DGCR2: variants seen among roughly 807,000 people sequenced by gnomAD.
The protein encoded by DGCR2 is DiGeorge syndrome critical region gene 2, also known as integral membrane protein DGCR2/IDD.
Under a neutral mutation model 51.6 loss-of-function variants are expected in DGCR2, and 24 were observed. That is an observed-to-expected ratio of 0.47 (90% confidence interval 0.34 to 0.65). DGCR2 has a LOEUF of 0.65. Ranked by LOEUF, DGCR2 falls within the 30% of genes least tolerant of loss-of-function variation. The pLI is 0.01. For missense variants in DGCR2, 765 were observed against 772.1 expected (o/e 0.99, Z 0.11); for synonymous variants, 340 against 315.4 (o/e 1.08, Z -0.82).
chr22:19,048,537 A>G lies in DGCR2; in HGVS notation c.909T>C (p.Pro303=), dbSNP rs1202154468. 6.2e-7 allele frequency: 1 copy of G among 1,614,040 alleles called. No individual in the cohort carries two copies. The highest frequency in any genetic ancestry group is 1.7e-5 in the Admixed American group (1 of 60,022). Residue 303 remains proline, a synonymous_variant, in exon 7 of 10, where the codon CCT becomes CCC. Coordinates refer to ENST00000263196, the MANE Select transcript of DGCR2 (RefSeq NM_005137.3). ...CACAGAGAGCAGCCACACACATCTC[A>G]GGCTCCCCTCCATGGCAGGTGCAGC... ...CLSCTCHGGE[P]EMCVAALCER...
Position 19,064,988 on chromosome 22 carries a change from C to T in DGCR2, c.408G>A (p.Glu136=), listed in dbSNP as rs1419597053. The T allele has an allele frequency of 2.5e-6, 4 of 1,613,920 alleles. No individual in the cohort carries two copies. The highest frequency in any genetic ancestry group is 1.3e-5 in the African/African-American group (1 of 74,952). ...AGGTCTGCGCGGCATCCCAGTAGTT[C>T]TCCCCGCTCAGGTAGACCCGGTAGC... The part of the protein sequence containing the change: ...ASCYRVYLSG[E]NYWDAAQTCQ... The change falls in exon 4 of 10, where the codon GAG becomes GAA. Residue 136 remains glutamate (E), a synonymous_variant. Transcript: ENST00000263196.
chr22:19,063,034 GGCTGCACT>G (rs1281362345), intron 5 of DGCR2, among the ~76,000 whole-genome samples, 160 bp downstream of exon 5: 11 of 152,310 alleles, frequency 7.2e-5, no homozygotes, highest in Non-Finnish European at 1.3e-4. Context: ...CTGATCTGCA[GGCTGCACT>G]GGCCCCATGA....
At chr22:19,062,767 A>ATG (rs1316108034) in intron 5 of DGCR2, among the ~76,000 whole-genome samples, 4 of 125,194 alleles carry the variant, frequency 3.2e-5, no homozygotes, top group Admixed American at 8.2e-5. Flanking sequence ...GCACACACAC[A>ATG]CATGCATGCT....
chr22:19,096,574 T>A (rs2083142240), intron 1 of DGCR2, among the ~76,000 whole-genome samples: 1 of 151,794 alleles, frequency 6.6e-6, no homozygotes, highest in Non-Finnish European at 1.5e-5. Flanking sequence ...CCCACACATG[T>A]AACTACTGTG....
chr22:19,069,444 A>G (rs981761484), intron 2 of DGCR2, among the ~76,000 whole-genome samples: 7 of 152,220 alleles, frequency 4.6e-5, no homozygotes, highest in African/African-American at 1.7e-4. Context: ...AAAATACAAA[A>G]GTTTGAAAAG....
intron 2 of DGCR2, among the ~76,000 whole-genome samples, chr22:19,072,251 G>C (rs1353315683): frequency 2.6e-5 from 4 of 152,150 alleles, no homozygotes; most frequent in Non-Finnish European, 5.9e-5. Context: ...CAGAACCCCA[G>C]GCTCCAGGCA....
chr22:19,108,088 CAGG>C (rs2083277000), intron 1 of DGCR2, among the ~76,000 whole-genome samples: 2 of 152,128 alleles, frequency 1.3e-5, no homozygotes, highest in South Asian at 2.1e-4. Context: ...GTGAGAAGAG[CAGG>C]AGGAGAACCA....
intron 4 of DGCR2, 76 bp downstream of exon 4, chr22:19,064,772 G>T: frequency 7.2e-7 from 1 of 1,396,498 alleles, no homozygotes; most frequent in South Asian, 1.2e-5. Context: ...GGAGTTTACT[G>T]AGTGGTCAGA....
At position 19,105,573 on chromosome 22, in the gene DGCR2, C is replaced by G. The variant is rs547396751; in HGVS notation, c.80-16083G>C. On this transcript the variant is annotated intron_variant, in intron 1 of 9. Transcript: ENST00000263196. ...GCCCAGTGGGGAAGGGAGCGATGCA[C>G]GCTCTGGAAGGCACACTGTACTCCG... Among the ~76,000 whole-genome samples the G allele has an allele frequency of 2.6e-5, 4 of 152,250 alleles. No homozygotes were observed. The East Asian group carries it at 7.7e-4, about 29-fold the overall frequency.
chr22:19,063,153 G>A (rs748070761), intron 5 of DGCR2, 49 bp downstream of exon 5: 5 of 1,563,528 alleles, frequency 3.2e-6, no homozygotes, highest in Non-Finnish European at 3.5e-6. Flanking sequence ...CCCCGAATCA[G>A]GGTGACTCTG....
intron 1 of DGCR2, among the ~76,000 whole-genome samples, chr22:19,095,053 AT>A (rs1377951315): frequency 4.6e-5 from 7 of 152,226 alleles, no homozygotes; most frequent in Admixed American, 3.3e-4. Context: ...GGTTTCACAG[AT>A]TTATACATAT....
In DGCR2 at chr22:19,089,383, C is replaced by G; in HGVS notation, c.187G>C (p.Glu63Gln). The change falls in exon 2 of 10, where the codon GAA becomes CAA. Residue 63 changes from glutamate to glutamine, a missense_variant. Glu to Gln is a conservative substitution (Grantham distance 29). Transcript: ENST00000263196. ...ACACACTCACCTGGACAGTTGGCTT[C>G]GTCGCTCTCATCCTCGCAAGTCGCC... is the stretch of plus-strand genomic sequence containing the variant. ...GWATCEDESD[E>Q]ANCPEVTGEV... 6.2e-7 allele frequency: 1 copy of G among 1,608,546 alleles called. No homozygotes were observed. The highest frequency in any genetic ancestry group is 1.7e-4 in the Middle Eastern group (1 of 6,038).
chr22:19,091,176 T>A (rs558476814), intron 1 of DGCR2, among the ~76,000 whole-genome samples: 1 of 152,282 alleles, frequency 6.6e-6, no homozygotes, highest in East Asian at 1.9e-4. Flanking sequence ...CTGAGCAACA[T>A]GGCAAAATGC....
chr22:19,084,132 C>A (rs573224107), intron 2 of DGCR2, among the ~76,000 whole-genome samples: 1 of 152,152 alleles, frequency 6.6e-6, no homozygotes, highest in Admixed American at 6.5e-5. Context: ...AGCCTCTGCC[C>A]GGCCACCACC....
Position 19,058,982 on chromosome 22 carries a change from G to A in DGCR2, c.626-1820C>T, listed in dbSNP as rs540502980. ...GTGCTGAATGGGGGCTGGTCATGCG[G>A]GCACTGCATGCCTACCCGAGGTGCA... On this transcript the variant is annotated intron_variant, in intron 5 of 9. Coordinates refer to ENST00000263196, the MANE Select transcript of DGCR2 (RefSeq NM_005137.3). Among the ~76,000 whole-genome samples the A allele has an allele frequency of 2.0e-5, 3 of 152,366 alleles. No individual in the cohort carries two copies. The East Asian group carries it at 5.8e-4, about 29-fold the overall frequency.
At position 19,122,215 on chromosome 22, in the gene DGCR2, C is replaced by A. The variant is rs1207071353; in HGVS notation, c.-9G>T. On this transcript the variant is annotated 5_prime_UTR_variant, in exon 1 of 10. An upstream open reading frame in the 5' UTR gains an earlier in-frame stop. Coordinates refer to ENST00000263196, the MANE Select transcript of DGCR2 (RefSeq NM_005137.3). ...TCTGCCTTGGGCACCATTTATCCTC[C>A]GTTCATCGTCCCCGGGGCGGCTGGA... 1.3e-6 allele frequency: 2 copies of A among 1,496,642 alleles called. No individual in the cohort carries two copies. Among genetic ancestry groups the A allele is most frequent in the Non-Finnish European group, 1.8e-6 (2 of 1,120,526 alleles). The allele number at this position is 1,496,642 out of a possible 1,614,324, so 92.7% of individuals were successfully genotyped here. A position where few individuals can be genotyped will look rare whatever the true frequency, so the allele number is the denominator to read the frequency against.
In DGCR2 at chr22:19,037,663, G is replaced by A. The variant is rs2082385430; in HGVS notation, c.*1202C>T. ...CATTCAACGTAGAAAAGATATGGAT[G>A]TGCTAAAAATCGCACAGAACCCGCT... On this transcript the variant is annotated 3_prime_UTR_variant, in exon 10 of 10. Coordinates refer to ENST00000263196, the MANE Select transcript of DGCR2 (RefSeq NM_005137.3). 1 of 152,246 alleles carries A rather than the reference G, an allele frequency of 6.6e-6. No homozygotes were observed. The highest frequency in any genetic ancestry group is 2.1e-4 in the South Asian group (1 of 4,832). 9.4% of individuals were successfully genotyped at this position (152,246 alleles called of 1,614,324 possible).
chr22:19,083,934 C>T (rs895693113), intron 2 of DGCR2, among the ~76,000 whole-genome samples: 1 of 152,208 alleles, frequency 6.6e-6, no homozygotes, highest in Non-Finnish European at 1.5e-5. Context: ...GTTGGCCGGG[C>T]TAGTCTCCAG....
At chr22:19,099,670 C>T (rs971526573) in intron 1 of DGCR2, among the ~76,000 whole-genome samples, 5 of 151,790 alleles carry the variant, frequency 3.3e-5, no homozygotes, top group African/African-American at 1.2e-4. Context: ...TACAAAGTTG[C>T]TTAAAAACAG....
Sources: gnomAD v4.1 joint callset for allele counts (sites outside exome capture counted in the v4.1 genomes callset) on GRCh38, gnomAD v4.1.1 for gene constraint, MANE v1.5 for transcripts, NCBI Gene and HGNC (gene_info 2026-07-23, HGNC 2026-07-21) for gene names.